The following ZNF385B variants were observed in gnomAD, a reference collection of about 807,000 sequenced individuals.
ZNF385B encodes the protein zinc finger protein 533.
Under a neutral mutation model 39.2 loss-of-function variants are expected in ZNF385B, and 23 were observed. The ratio of observed to expected loss-of-function variants is 0.59; its 90% CI spans 0.42 to 0.83. ZNF385B has a LOEUF of 0.83. Among genes scored for constraint, ZNF385B ranks in the 40% least tolerant of loss-of-function variants. ZNF385B has a pLI of 0.00. For synonymous variants in ZNF385B, 205 were observed against 222.6 expected (o/e 0.92, Z 0.70); for missense variants, 552 against 598.9 (o/e 0.92, Z 0.82).
chr2:179,621,845 A>G (rs1301714372), intron 3 of ZNF385B, among the ~76,000 whole-genome samples: 1 of 152,186 alleles, frequency 6.6e-6, no homozygotes, highest in Middle Eastern at 3.2e-3. Flanking sequence ...AAAATCCACT[A>G]TCTTCTTTTA....
chr2:179,616,833 T>C (rs1292014901), intron 3 of ZNF385B, among the ~76,000 whole-genome samples: 1 of 152,140 alleles, frequency 6.6e-6, no homozygotes, highest in East Asian at 1.9e-4. Context: ...AATGCTGGGA[T>C]TATAGGCGTG....
At chr2:179,557,187 T>C (rs1277636937) in intron 3 of ZNF385B, among the ~76,000 whole-genome samples, 1 of 149,316 alleles carries the variant, frequency 6.7e-6, no homozygotes, top group Non-Finnish European at 1.5e-5. Context: ...ATGAACACTG[T>C]TTTGAATATT....
chr2:179,838,889 T>C (rs1241715255), intron 1 of ZNF385B, among the ~76,000 whole-genome samples: 3 of 135,020 alleles, frequency 2.2e-5, no homozygotes, highest in Non-Finnish European at 4.7e-5. Context: ...ATAATTAAAC[T>C]AGAGCTAAAT....
intron 3 of ZNF385B, among the ~76,000 whole-genome samples, chr2:179,736,428 C>T (rs1575386999): frequency 6.6e-6 from 1 of 152,108 alleles, no homozygotes; most frequent in Non-Finnish European, 1.5e-5. Flanking sequence ...GACCATTAAG[C>T]TTTTACTATA....
chr2:179,555,059 C>G (rs1313056024), intron 3 of ZNF385B, among the ~76,000 whole-genome samples: 1 of 149,334 alleles, frequency 6.7e-6, no homozygotes, highest in Non-Finnish European at 1.5e-5. Flanking sequence ...ATAATAGCCT[C>G]AAACTGGAAA....
intron 5 of ZNF385B, 78 bp downstream of exon 5, chr2:179,518,450 G>A (rs1434090094): frequency 4.8e-6 from 5 of 1,041,396 alleles, no homozygotes; most frequent in Non-Finnish European, 7.1e-6. Context: ...ATGTAAATAT[G>A]AAGAAATGTA....
chr2:179,803,360 G>A (rs1257663374), intron 1 of ZNF385B, among the ~76,000 whole-genome samples: 3 of 152,090 alleles, frequency 2.0e-5, no homozygotes, highest in Non-Finnish European at 4.4e-5. Context: ...GTATTAATGT[G>A]CCACCCATGG....
intron 4 of ZNF385B, among the ~76,000 whole-genome samples, chr2:179,529,296 ACT>A (rs2059118470): frequency 6.6e-6 from 1 of 151,796 alleles, no homozygotes; most frequent in Non-Finnish European, 1.5e-5. Context: ...TTCTAAGAAA[ACT>A]CTGTGCTTTT....
intron 1 of ZNF385B, among the ~76,000 whole-genome samples, chr2:179,858,108 G>T (rs984537393): frequency 6.6e-6 from 1 of 152,130 alleles, no homozygotes; most frequent in Non-Finnish European, 1.5e-5. Context: ...CACTGTGACA[G>T]CCTCTAGAAA....
chr2:179,639,249 A>AAAAAAAAAGG (rs71029824), intron 3 of ZNF385B, among the ~76,000 whole-genome samples: 14 of 128,694 alleles, frequency 1.1e-4, no homozygotes, highest in South Asian at 5.3e-4. Flanking sequence ...AAAAAAAAAA[A>AAAAAAAAAGG]GGGGGAGAAA....
At chr2:179,449,432 T>C (rs2049849829) in intron 6 of ZNF385B, among the ~76,000 whole-genome samples, 1 of 151,960 alleles carries the variant, frequency 6.6e-6, no homozygotes, top group Admixed American at 6.6e-5. Flanking sequence ...TGTGCAAAAA[T>C]CACAAGCATT....
intron 1 of ZNF385B, among the ~76,000 whole-genome samples, chr2:179,792,223 G>T (rs774564690): frequency 6.6e-6 from 1 of 151,876 alleles, no homozygotes; most frequent in Non-Finnish European, 1.5e-5. Flanking sequence ...AAACATTACT[G>T]CTTCTTATTC....
intron 4 of ZNF385B, among the ~76,000 whole-genome samples, chr2:179,541,933 C>CAAGT (rs2059943209): frequency 6.6e-6 from 1 of 152,160 alleles, no homozygotes; most frequent in Admixed American, 6.5e-5. Flanking sequence ...GATTCTAATT[C>CAAGT]AAGTCTCAGT....
chr2:179,446,304 T>C (rs563667757), intron 7 of ZNF385B, among the ~76,000 whole-genome samples: 1 of 152,300 alleles, frequency 6.6e-6, no homozygotes, highest in East Asian at 1.9e-4. Context: ...TAGATGTTTT[T>C]AAGAAAATAA....
At chr2:179,560,427 G>C (rs1334194327) in intron 3 of ZNF385B, among the ~76,000 whole-genome samples, 1 of 152,176 alleles carries the variant, frequency 6.6e-6, no homozygotes, top group South Asian at 2.1e-4. Context: ...TGGACCTAGT[G>C]CTCAATGTAT....
At chr2:179,736,734 C>G (rs1015082495) in intron 3 of ZNF385B, among the ~76,000 whole-genome samples, 7 of 152,082 alleles carry the variant, frequency 4.6e-5, no homozygotes, top group Non-Finnish European at 1.5e-5. Context: ...CTTTGGAAGG[C>G]CCAGGTGGGT....
chr2:179,732,810 A>C (rs567426442), intron 3 of ZNF385B, among the ~76,000 whole-genome samples: 1 of 152,346 alleles, frequency 6.6e-6, no homozygotes, highest in African/African-American at 2.4e-5. Flanking sequence ...ATTAAAAAAC[A>C]ACACGGTGAG....
intron 3 of ZNF385B, among the ~76,000 whole-genome samples, chr2:179,559,559 A>T (rs999426165): frequency 2.0e-5 from 3 of 152,152 alleles, no homozygotes; most frequent in Admixed American, 6.6e-5. Context: ...CTGACCTTGT[A>T]CTAGACTTTC....
chr2:179,467,129 TC>T, intron 6 of ZNF385B, among the ~76,000 whole-genome samples: 1 of 151,956 alleles, frequency 6.6e-6, no homozygotes, highest in East Asian at 1.9e-4. Context: ...TTAACCCATA[TC>T]CCCAGGTGCA....
Sources: allele counts gnomAD v4.1 joint callset (sites outside exome capture counted in the v4.1 genomes callset), GRCh38; gene constraint gnomAD v4.1.1; transcripts MANE v1.5; gene names NCBI Gene and HGNC (gene_info 2026-07-23, HGNC 2026-07-21).